Variants in MRPS31 observed in about 807,000 individuals in gnomAD.
MRPS31 encodes small ribosomal subunit protein mS31.
Under a neutral mutation model 43.1 loss-of-function variants are expected in MRPS31, and 32 were observed. That is an observed-to-expected ratio of 0.74 (90% CI 0.56 to 1.00). The LOEUF (loss-of-function observed/expected upper bound fraction) is 1.00, where lower values mean the gene tolerates loss of function less well. MRPS31 is among the 50% of genes least tolerant of loss of function. The pLI is 0.00. For synonymous variants in MRPS31, 165 were observed against 161.6 expected (o/e 1.02, Z -0.16); for missense variants, 437 against 466.7 (o/e 0.94, Z 0.59).
At chr13:40,766,427 G>A (rs1265591782) in intron 2 of MRPS31, among the ~76,000 whole-genome samples, 2 of 152,122 alleles carry the variant, frequency 1.3e-5, no homozygotes, top group Non-Finnish European at 2.9e-5. Context: ...CCAAGTTGCT[G>A]GGATTACAAG....
chr13:40,761,267 C>CAAA (rs11440084), intron 2 of MRPS31, among the ~76,000 whole-genome samples: 1 of 136,828 alleles, frequency 7.3e-6, no homozygotes, highest in South Asian at 2.2e-4. Flanking sequence ...AGTCTGTCTC[C>CAAA]AAAAAAAAAA....
intron 6 of MRPS31, among the ~76,000 whole-genome samples, chr13:40,734,664 G>T (rs1879823042): frequency 6.6e-6 from 1 of 152,140 alleles, no homozygotes; most frequent in East Asian, 1.9e-4. Context: ...ACTTTGGGAG[G>T]CCAAGCCAGG....
intron 6 of MRPS31, among the ~76,000 whole-genome samples, chr13:40,732,561 C>A (rs1175536994): frequency 6.6e-6 from 1 of 152,010 alleles, no homozygotes; most frequent in Non-Finnish European, 1.5e-5. Context: ...AAGTGAGACC[C>A]CATCTCTACA....
intron 6 of MRPS31, among the ~76,000 whole-genome samples, chr13:40,741,862 T>G (rs73174811): frequency 0.14 from 21,734 of 150,216 alleles, 1,897 homozygotes; most frequent in South Asian, 0.3. Flanking sequence ...GGAAATGCTT[T>G]CAAGATATAT....
chr13:40,744,752 T>A (rs1164938782), intron 6 of MRPS31, among the ~76,000 whole-genome samples: 1 of 152,008 alleles, frequency 6.6e-6, no homozygotes, highest in Non-Finnish European at 1.5e-5. Context: ...GTAGCTGGGA[T>A]TACAGGCCCC....
chr13:40,748,412 C>T (rs536531975), intron 6 of MRPS31, among the ~76,000 whole-genome samples: 56 of 152,242 alleles, frequency 3.7e-4, no homozygotes, highest in Non-Finnish European at 6.2e-4. Flanking sequence ...CCGCCTCAGC[C>T]TCCCAAAGTG....
chr13:40,761,925 A>G (rs1880707164), intron 2 of MRPS31, among the ~76,000 whole-genome samples: 2 of 151,590 alleles, frequency 1.3e-5, no homozygotes, highest in African/African-American at 4.8e-5. Context: ...TAAACAGAAA[A>G]AAAAAAAAAA....
chr13:40,733,541 G>A (rs555048558), intron 6 of MRPS31, among the ~76,000 whole-genome samples: 2 of 152,172 alleles, frequency 1.3e-5, no homozygotes, highest in East Asian at 1.9e-4. Flanking sequence ...CCTTTCCAAG[G>A]ATAACCCTCC....
At chr13:40,733,031 T>A (rs1879752415) in intron 6 of MRPS31, among the ~76,000 whole-genome samples, 1 of 130,436 alleles carries the variant, frequency 7.7e-6, no homozygotes, top group African/African-American at 2.8e-5. Flanking sequence ...TGAGAGGGAG[T>A]TTCACTCTTG....
rs374784574 is a variant in MRPS31, at chr13:40,736,674, T to C, written c.959-7073A>G. ...TTTCAACCCAGAATTTCATATCCAG[T>C]CAAACTAAGCTTCATAAGTGAAGGA... On this transcript the variant is annotated intron_variant, in intron 6 of 6. Coordinates refer to ENST00000323563, the MANE Select transcript of MRPS31 (RefSeq NM_005830.4). Among the ~76,000 whole-genome samples, 520 of 143,922 alleles carry C rather than the reference T, an allele frequency of 3.6e-3. 5 individuals are homozygous for C. Among genetic ancestry groups the C allele is most frequent in the East Asian group, 0.026 (113 of 4,362 alleles). The allele number at this position is 143,922 out of a possible 152,430, so 94.4% of individuals were successfully genotyped here. A position where few individuals can be genotyped will look rare whatever the true frequency, so the allele number is the denominator to read the frequency against.
intron 6 of MRPS31, among the ~76,000 whole-genome samples, chr13:40,742,358 A>C (rs762704049): frequency 2.6e-5 from 4 of 151,550 alleles, no homozygotes; most frequent in Non-Finnish European, 5.9e-5. Flanking sequence ...AATAGCAATG[A>C]CCAATTATTT....
chr13:40,753,582 G>A (rs550469931), intron 5 of MRPS31, among the ~76,000 whole-genome samples: 1 of 152,304 alleles, frequency 6.6e-6, no homozygotes, highest in Admixed American at 6.5e-5. Flanking sequence ...GGGAGCCAAG[G>A]CCATGGTGCC....
intron 1 of MRPS31, among the ~76,000 whole-genome samples, chr13:40,769,269 G>C (rs899647872): frequency 1.4e-4 from 21 of 150,482 alleles, no homozygotes; most frequent in African/African-American, 4.9e-4. Flanking sequence ...CCAGCTACTT[G>C]GGAGGCTGAG....
At chr13:40,770,333 G>A (rs1425326439) in intron 1 of MRPS31, among the ~76,000 whole-genome samples, 1 of 152,164 alleles carries the variant, frequency 6.6e-6, no homozygotes, top group Non-Finnish European at 1.5e-5. Context: ...GTTCTCGGAG[G>A]ATAAATACCA....
chr13:40,734,564 G>A (rs987582555), intron 6 of MRPS31, among the ~76,000 whole-genome samples: 21 of 152,144 alleles, frequency 1.4e-4, no homozygotes, highest in African/African-American at 4.8e-4. Flanking sequence ...AACTTTCAGT[G>A]GGAACAGGAA....
intron 5 of MRPS31, chr13:40,749,761 A>C (rs1880335626): frequency 6.6e-6 from 1 of 152,428 alleles, no homozygotes; most frequent in Non-Finnish European, 1.5e-5. Context: ...TTTATGCATT[A>C]GTGCATGTAA....
intron 2 of MRPS31, among the ~76,000 whole-genome samples, chr13:40,760,782 T>C (rs78977933): frequency 1.3e-5 from 2 of 152,186 alleles, no homozygotes; most frequent in South Asian, 4.1e-4. Flanking sequence ...GCAACATTTT[T>C]TAACTCACTG....
At chr13:40,741,225 C>T (rs2137999196) in intron 6 of MRPS31, among the ~76,000 whole-genome samples, 1 of 152,058 alleles carries the variant, frequency 6.6e-6, no homozygotes, top group South Asian at 2.1e-4. Context: ...CTTTATAAGC[C>T]TTGTGCTTTA....
chr13:40,748,543 T>C (rs992026230), intron 6 of MRPS31, among the ~76,000 whole-genome samples: 1 of 152,236 alleles, frequency 6.6e-6, no homozygotes, highest in Non-Finnish European at 1.5e-5. Context: ...ATAAATAGCA[T>C]AGTAATACTG....
Sources: allele counts gnomAD v4.1 joint callset (sites outside exome capture counted in the v4.1 genomes callset), GRCh38; gene constraint gnomAD v4.1.1; transcripts MANE v1.5; gene names NCBI Gene and HGNC (gene_info 2026-07-23, HGNC 2026-07-21).